TEX36: variants seen among roughly 807,000 people sequenced by gnomAD.
The protein encoded by TEX36 is testis-expressed protein 36.
A neutral mutation model predicts 13.6 loss-of-function variants in TEX36; 12 were observed. That is an observed-to-expected ratio of 0.88 (90% CI 0.56 to 1.43). The LOEUF (loss-of-function observed/expected upper bound fraction) is 1.43. Ranked by LOEUF, TEX36 falls within the 40% of genes most tolerant of loss-of-function variation. TEX36 has a pLI of 0.00. For synonymous variants in TEX36, 93 were observed against 83.0 expected (o/e 1.12, Z -0.65); for missense variants, 224 against 228.3 (o/e 0.98, Z 0.12).
In TEX36 at chr10:125,592,612, G is replaced by C. The variant is rs57549197; in HGVS notation, c.265-15738C>G. Among the ~76,000 whole-genome samples the C allele has an allele frequency of 7.8e-3, 1,182 of 152,128 alleles. 17 individuals are homozygous for C. Among genetic ancestry groups the C allele is most frequent in the African/African-American group, 0.028 (1,142 of 41,494 alleles). On this transcript the variant is annotated intron_variant, in intron 3 of 3. Coordinates refer to the TEX36 transcript ENST00000532135. ...ATAAAAAATCCTGTCATTTCATTCA[G>C]TTTTGACACTATCCACCTAGAGATG... is the stretch of plus-strand genomic sequence containing the variant.
intron 1 of TEX36, among the ~76,000 whole-genome samples, chr10:125,679,143 C>CA (rs1847356162): frequency 7.2e-6 from 1 of 138,414 alleles, no homozygotes; most frequent in African/African-American, 3.1e-5. Context: ...GGAGCACCCC[C>CA]CCCGCCCCCG....
chr10:125,671,712 G>T (rs1847233305), intron 1 of TEX36, among the ~76,000 whole-genome samples: 1 of 152,174 alleles, frequency 6.6e-6, no homozygotes, highest in Admixed American at 6.5e-5. Context: ...AATGATACCA[G>T]CTCTTTTTTG....
At chr10:125,657,454 T>A (rs932146218) in intron 3 of TEX36, among the ~76,000 whole-genome samples, 5 of 152,036 alleles carry the variant, frequency 3.3e-5, no homozygotes, top group African/African-American at 1.2e-4. Context: ...AATGTCCAAG[T>A]CGGCTTCTAA....
chr10:125,578,186 T>A (rs1845849080), intron 3 of TEX36: 1 of 152,206 alleles, frequency 6.6e-6, no homozygotes, highest in Non-Finnish European at 1.5e-5. Flanking sequence ...ATAACAGGGT[T>A]TTCTAAAAGC....
At chr10:125,595,621 C>A (rs115215903) in intron 3 of TEX36, among the ~76,000 whole-genome samples, 1 of 152,150 alleles carries the variant, frequency 6.6e-6, no homozygotes, top group African/African-American at 2.4e-5. Flanking sequence ...TGTATGCCCC[C>A]CTTCCAGCTC....
intron 3 of TEX36, among the ~76,000 whole-genome samples, chr10:125,599,300 T>C (rs1472958926): frequency 6.6e-6 from 1 of 152,194 alleles, no homozygotes; most frequent in African/African-American, 2.4e-5. Context: ...GGGAGACGCA[T>C]GTCCTGGGCT....
chr10:125,592,470 G>A (rs991842924), intron 3 of TEX36, among the ~76,000 whole-genome samples: 6 of 152,110 alleles, frequency 3.9e-5, no homozygotes, highest in Admixed American at 2.6e-4. Context: ...GAAGATAGAG[G>A]AGAAGGCAGT....
chr10:125,677,655 C>T (rs371637343), intron 1 of TEX36, among the ~76,000 whole-genome samples: 3 of 151,954 alleles, frequency 2.0e-5, no homozygotes, highest in Non-Finnish European at 2.9e-5. Context: ...TCTCTTGTAT[C>T]TCACTGAGCT....
intron 3 of TEX36, among the ~76,000 whole-genome samples, chr10:125,583,139 G>A (rs914275977): frequency 2.6e-5 from 4 of 152,222 alleles, no homozygotes; most frequent in Admixed American, 6.5e-5. Flanking sequence ...CTGACAATCT[G>A]TCCAGCAGCC....
chr10:125,621,462 T>C (rs1425544051), downstream of TEX36, among the ~76,000 whole-genome samples: 1 of 152,180 alleles, frequency 6.6e-6, no homozygotes, highest in South Asian at 2.1e-4. Context: ...CATGTTTTCA[T>C]GTGCTGGTGT....
intron 3 of TEX36, chr10:125,640,291 C>G (rs1846671929): frequency 1.3e-6 from 1 of 774,870 alleles, no homozygotes; most frequent in South Asian, 5.8e-5. Flanking sequence ...AATTTGGGAA[C>G]TTACAGATCT....
chr10:125,654,565 T>G (rs909076904), downstream of TEX36, among the ~76,000 whole-genome samples: 1 of 152,136 alleles, frequency 6.6e-6, no homozygotes, highest in African/African-American at 2.4e-5. Context: ...TACAAGCTTA[T>G]TCTAAAATTC....
chr10:125,627,139 A>G (rs1276098787), intron 3 of TEX36, among the ~76,000 whole-genome samples: 3 of 152,208 alleles, frequency 2.0e-5, no homozygotes, highest in African/African-American at 7.2e-5. Flanking sequence ...ACCTTGAGAG[A>G]AAAAGATTTT....
intron 3 of TEX36, among the ~76,000 whole-genome samples, chr10:125,624,762 A>T (rs1033676797): frequency 6.6e-6 from 1 of 151,716 alleles, no homozygotes; most frequent in Non-Finnish European, 1.5e-5. Flanking sequence ...GCACTTGGGG[A>T]AATGGCACAG....
intron 1 of TEX36, among the ~76,000 whole-genome samples, chr10:125,674,629 A>G (rs956183507): frequency 4.6e-5 from 7 of 152,062 alleles, no homozygotes; most frequent in African/African-American, 1.7e-4. Flanking sequence ...TGTTGATGCT[A>G]TTGTTTTTGT....
intron 3 of TEX36, among the ~76,000 whole-genome samples, chr10:125,586,284 T>G (rs1845948202): frequency 1.3e-5 from 2 of 152,334 alleles, no homozygotes; most frequent in South Asian, 4.1e-4. Flanking sequence ...TGCTATTTCT[T>G]TAGTGTAAAT....
At chr10:125,675,090 G>C (rs1847291579) in intron 1 of TEX36, among the ~76,000 whole-genome samples, 1 of 151,236 alleles carries the variant, frequency 6.6e-6, no homozygotes, top group Non-Finnish European at 1.5e-5. Context: ...GGAGACAAGA[G>C]TTCTGTCCTT....
chr10:125,618,942 T>TAAA (rs11452140), downstream of TEX36, among the ~76,000 whole-genome samples: 264 of 43,562 alleles, frequency 6.1e-3, 20 homozygotes, highest in Non-Finnish European at 8.4e-3. Flanking sequence ...CCGTCTCTAC[T>TAAA]AAAAAAAAAA....
chr10:125,683,092 C>T lies in TEX36; in HGVS notation c.-103G>A. On this transcript the variant is annotated 5_prime_UTR_variant, in exon 1 of 4. Transcript: ENST00000368821. Reference sequence around the variant, plus strand: ...CCTAAACTTCATAAGCTCTACACGTCTGGGAAGCTCCTCCTCCTCCTTGTT... The same window carrying T: ...CCTAAACTTCATAAGCTCTACACGTTTGGGAAGCTCCTCCTCCTCCTTGTT... 1 of 1,296,398 alleles carries T rather than the reference C, an allele frequency of 7.7e-7. No homozygotes were observed. The highest frequency in any genetic ancestry group is 1.1e-6 in the Non-Finnish European group (1 of 914,850). The allele number at this position is 1,296,398 out of a possible 1,614,324, so 80.3% of individuals were successfully genotyped here.
Sources: allele counts gnomAD v4.1 joint callset (sites outside exome capture counted in the v4.1 genomes callset), GRCh38; gene constraint gnomAD v4.1.1; transcripts MANE v1.5; gene names NCBI Gene and HGNC (gene_info 2026-07-23, HGNC 2026-07-21).